RANBP2: variants seen among roughly 807,000 people sequenced by gnomAD.
RANBP2 encodes the protein RAN binding protein 2.
RANBP2 carries 57 observed loss-of-function variants against 303.6 expected under a neutral mutation model. The observed-to-expected ratio is 0.19, with a 90% confidence interval of 0.15 to 0.23. The LOEUF (loss-of-function observed/expected upper bound fraction) is 0.23, where lower values mean the gene tolerates loss of function less well. RANBP2 is among the 10% of genes least tolerant of loss of function. The pLI is 1.00. For synonymous variants in RANBP2, 1,167 were observed against 1,301.5 expected, an observed-to-expected ratio of 0.90 and a Z score of 2.23; for missense variants, 3,138 against 3,780.8, an observed-to-expected ratio of 0.83 and a Z score of 4.46.
At chr2:109,495,477 C>CTTTTTT in the RANBP2 span, among the ~76,000 whole-genome samples, 248 of 94,270 alleles carry the variant, frequency 2.6e-3, 15 homozygotes, top group South Asian at 4.9e-3. Flanking sequence ...TCTTTCATTC[C>CTTTTTT]TTTTTTTTTT....
the RANBP2 span, among the ~76,000 whole-genome samples, chr2:109,170,256 T>TCTCTTCTC: frequency 1.3e-4 from 4 of 30,808 alleles, no homozygotes; most frequent in African/African-American, 4.0e-4. Context: ...TCTCTTCTCT[T>TCTCTTCTC]CTCTTCTCTT....
the RANBP2 span, among the ~76,000 whole-genome samples, chr2:109,075,008 A>C: frequency 7.9e-6 from 1 of 126,950 alleles, no homozygotes; most frequent in Non-Finnish European, 1.7e-5. Context: ...CCTGGGTGAC[A>C]GAGCGAGTCT....
the RANBP2 span, chr2:108,930,008 T>A: frequency 7.4e-7 from 1 of 1,353,696 alleles, no homozygotes; most frequent in Admixed American, 2.4e-5. Context: ...ACCGGCTGGT[T>A]TGATATACCC....
chr2:108,876,495 G>A, the RANBP2 span: 7 of 281,926 alleles, frequency 2.5e-5, no homozygotes, highest in Non-Finnish European at 3.9e-5. Flanking sequence ...TGACACTGAA[G>A]TGACTTTTTG....
the RANBP2 span, among the ~76,000 whole-genome samples, chr2:108,886,126 C>T: frequency 6.6e-6 from 1 of 152,048 alleles, no homozygotes; most frequent in Non-Finnish European, 1.5e-5. Context: ...GGTAGATACC[C>T]AGTAGAGGGA....
chr2:109,427,881 G>C, the RANBP2 span, among the ~76,000 whole-genome samples: 1 of 152,246 alleles, frequency 6.6e-6, no homozygotes, highest in Non-Finnish European at 1.5e-5. Context: ...CCCGGAGCTG[G>C]CCATCCTGAG....
At chr2:109,303,328 G>A in the RANBP2 span, among the ~76,000 whole-genome samples, 2 of 152,234 alleles carry the variant, frequency 1.3e-5, no homozygotes, top group South Asian at 2.1e-4. Context: ...CCTCTGGCAG[G>A]GTTAAGACAA....
chr2:109,372,038 G>GC, the RANBP2 span, among the ~76,000 whole-genome samples: 2 of 152,224 alleles, frequency 1.3e-5, no homozygotes, highest in East Asian at 3.8e-4. Flanking sequence ...TTTCTCATGA[G>GC]CACCAGAGGG....
the RANBP2 span, among the ~76,000 whole-genome samples, chr2:109,269,431 C>G: frequency 6.6e-6 from 1 of 152,178 alleles, no homozygotes; most frequent in Non-Finnish European, 1.5e-5. Context: ...TCCTCCTAAC[C>G]CTTTAAGAAT....
the RANBP2 span, among the ~76,000 whole-genome samples, chr2:108,794,336 A>G: frequency 6.6e-6 from 1 of 151,764 alleles, no homozygotes; most frequent in African/African-American, 2.4e-5. Flanking sequence ...AGTTGCAAAG[A>G]TAGTGCAATC....
the RANBP2 span, among the ~76,000 whole-genome samples, chr2:109,729,614 C>T: frequency 2.6e-5 from 4 of 152,122 alleles, no homozygotes; most frequent in African/African-American, 9.7e-5. Context: ...CACGCCACTA[C>T]ACTTCATCCT....
chr2:109,191,428 G>T, the RANBP2 span, among the ~76,000 whole-genome samples: 2 of 152,156 alleles, frequency 1.3e-5, no homozygotes, highest in Non-Finnish European at 2.9e-5. Context: ...AAGAAAGTGG[G>T]GTGAGTTATA....
At chr2:108,909,154 C>T in the RANBP2 span, among the ~76,000 whole-genome samples, 1 of 152,186 alleles carries the variant, frequency 6.6e-6, no homozygotes, top group African/African-American at 2.4e-5. Context: ...CCTAATAGGG[C>T]CTCCAAATTT....
chr2:108,939,331 C>T, the RANBP2 span, among the ~76,000 whole-genome samples: 3 of 152,192 alleles, frequency 2.0e-5, no homozygotes, highest in Admixed American at 2.0e-4. Context: ...GGACTACAGG[C>T]GTGCGCCACC....
chr2:109,363,545 C>T, the RANBP2 span, among the ~76,000 whole-genome samples: 3 of 152,058 alleles, frequency 2.0e-5, no homozygotes, highest in Non-Finnish European at 4.4e-5. Flanking sequence ...ACTGCCATTC[C>T]TTCTCTGGTG....
At chr2:109,255,465 G>T in the RANBP2 span, among the ~76,000 whole-genome samples, 1 of 152,198 alleles carries the variant, frequency 6.6e-6, no homozygotes, top group African/African-American at 2.4e-5. Flanking sequence ...GGTTGGACTG[G>T]GGTTCGTATT....
chr2:109,477,706 C>A, the RANBP2 span, among the ~76,000 whole-genome samples: 1 of 151,928 alleles, frequency 6.6e-6, no homozygotes, highest in Non-Finnish European at 1.5e-5. Flanking sequence ...AGTCTGAGAT[C>A]CAGACACCAC....
the RANBP2 span, among the ~76,000 whole-genome samples, chr2:108,874,404 A>G: frequency 6.6e-6 from 1 of 152,142 alleles, no homozygotes; most frequent in African/African-American, 2.4e-5. Context: ...ATAAATAAGG[A>G]CATCGATTTT....
At chr2:108,860,844 C>T in the RANBP2 span, among the ~76,000 whole-genome samples, 3 of 146,306 alleles carry the variant, frequency 2.1e-5, no homozygotes, top group African/African-American at 7.5e-5. Context: ...GTCCCTCCTC[C>T]TCGATATTTT....
Sources: gnomAD v4.1 joint callset for allele counts (sites outside exome capture counted in the v4.1 genomes callset) on GRCh38, gnomAD v4.1.1 for gene constraint, MANE v1.5 for transcripts, NCBI Gene and HGNC (gene_info 2026-07-23, HGNC 2026-07-21) for gene names.